Variants in COG4 observed in about 807,000 individuals in gnomAD.
COG4 encodes the protein conserved oligomeric Golgi complex subunit 4.
Under a neutral mutation model 95.1 loss-of-function variants are expected in COG4, and 65 were observed. That is an observed-to-expected ratio of 0.68 (90% CI 0.56 to 0.84). The LOEUF (loss-of-function observed/expected upper bound fraction) is 0.84, where lower values mean the gene tolerates loss of function less well. Among genes scored for constraint, COG4 ranks in the 40% least tolerant of loss-of-function variants. The pLI, the probability that COG4 is intolerant of heterozygous loss-of-function variation, is 0.00. For synonymous variants in COG4, 421 were observed against 374.8 expected, an observed-to-expected ratio of 1.12 and a Z score of -1.42; for missense variants, 1,045 against 989.1, an observed-to-expected ratio of 1.06 and a Z score of -0.76.
At chr16:70,516,164 G>A (rs774168866) in intron 3 of COG4, 9 of 397,874 alleles carry the variant, frequency 2.3e-5, no homozygotes, top group Admixed American at 9.4e-5. Flanking sequence ...AAGTAATTGC[G>A]GTCTTGGCCA....
At chr16:70,517,531 T>G (rs2049846844) in intron 3 of COG4, 95 bp downstream of exon 3, 1 of 737,474 alleles carries the variant, frequency 1.4e-6, no homozygotes, top group Non-Finnish European at 2.3e-6. Flanking sequence ...GGGGCTGTAG[T>G]GAGCTGTCAT....
At chr16:70,486,867 A>G (rs993814708) in intron 13 of COG4, among the ~76,000 whole-genome samples, 5 of 152,036 alleles carry the variant, frequency 3.3e-5, no homozygotes, top group African/African-American at 1.2e-4. Context: ...GTGGTGGCGC[A>G]CACCTGTAGT....
Position 70,482,632 on chromosome 16 carries a change from T to C in COG4, c.1920+97A>G. On this transcript the variant is annotated intron_variant, in intron 15 of 18. Transcript: ENST00000323786. ...GTGGGGGAAGTGGGCCTGGGAAGCA[T>C]GGAAGGTCTAGTCTGTTCAGATGGC... The C allele has an allele frequency of 3.1e-6, 3 of 971,588 alleles. No homozygotes were observed. In the East Asian group the frequency reaches 7.3e-5, roughly 24 times the overall value. 60.2% of individuals were successfully genotyped at this position (971,588 alleles called of 1,614,324 possible). A position where few individuals can be genotyped will look rare whatever the true frequency, so the allele number is the denominator to read the frequency against.
chr16:70,514,057 A>C (rs941997601), intron 4 of COG4, among the ~76,000 whole-genome samples: 11 of 152,144 alleles, frequency 7.2e-5, no homozygotes, highest in Admixed American at 5.9e-4. Context: ...AAATACAAAA[A>C]ACATTAGTGA....
At chr16:70,512,940 T>G (rs2049742012) in intron 4 of COG4, among the ~76,000 whole-genome samples, 1 of 152,164 alleles carries the variant, frequency 6.6e-6, no homozygotes, top group Non-Finnish European at 1.5e-5. Context: ...ATCATGCCAC[T>G]GCACTCCAGC....
At chr16:70,520,983 G>T (rs2049930053) in intron 1 of COG4, among the ~76,000 whole-genome samples, 1 of 151,990 alleles carries the variant, frequency 6.6e-6, no homozygotes, top group Non-Finnish European at 1.5e-5. Context: ...TTTTGCGGGG[G>T]CTCAAGTGCT....
chr16:70,514,562 C>T lies in COG4; in HGVS notation c.370-53G>A, dbSNP rs2049783938. 2.6e-6 allele frequency: 4 copies of T among 1,526,312 alleles called. No homozygotes were observed. In the South Asian group the frequency reaches 3.4e-5, roughly 13 times the overall value. The allele number at this position is 1,526,312 out of a possible 1,614,324, so 94.5% of individuals were successfully genotyped here. ...AATGTCCTATTCTTTCAAAAACACC[C>T]CTCAAGAAGGTAGGGAGATTCAGGA... On this transcript the variant is annotated intron_variant, in intron 3 of 18. Transcript: ENST00000323786.
At chr16:70,495,924 G>C (rs949716091) in intron 12 of COG4, among the ~76,000 whole-genome samples, 1 of 152,228 alleles carries the variant, frequency 6.6e-6, no homozygotes, top group African/African-American at 2.4e-5. Flanking sequence ...AAGCAGTCTG[G>C]TGGTCTGGCA....
chr16:70,519,478 T>C (rs2049890481), intron 2 of COG4, among the ~76,000 whole-genome samples, 171 bp downstream of exon 2: 2 of 152,210 alleles, frequency 1.3e-5, no homozygotes, highest in Admixed American at 1.3e-4. Context: ...GTCCAAGGAC[T>C]GTTTGAAAAC....
At chr16:70,505,354 C>A (rs1406241228) in intron 8 of COG4, among the ~76,000 whole-genome samples, 4 of 150,592 alleles carry the variant, frequency 2.7e-5, no homozygotes, top group Admixed American at 6.6e-5. Flanking sequence ...CCCGCCAACA[C>A]ACCCAGCTAA....
At chr16:70,505,220 CAG>C (rs1246352387) in intron 8 of COG4, among the ~76,000 whole-genome samples, 2 of 128,068 alleles carry the variant, frequency 1.6e-5, no homozygotes, top group Non-Finnish European at 3.1e-5. Context: ...TTTTTTGAGA[CAG>C]AGTCTCGCTC....
intron 12 of COG4, among the ~76,000 whole-genome samples, chr16:70,494,402 T>A (rs1337789646): frequency 6.6e-6 from 1 of 152,128 alleles, no homozygotes; most frequent in East Asian, 1.9e-4. Flanking sequence ...GCCAAATGAA[T>A]CAAGGTGACA....
At chr16:70,488,013 T>TG (rs1477394437) in intron 13 of COG4, among the ~76,000 whole-genome samples, 1 of 151,854 alleles carries the variant, frequency 6.6e-6, no homozygotes, top group Non-Finnish European at 1.5e-5. Context: ...TTAGTAGAGA[T>TG]GGGGTTTCAC....
intron 13 of COG4, among the ~76,000 whole-genome samples, chr16:70,487,999 A>G (rs2049172065): frequency 6.6e-6 from 1 of 151,464 alleles, no homozygotes; most frequent in Admixed American, 6.6e-5. Context: ...TAATTTTTGT[A>G]TTTTTAGTAG....
rs1485749675 is a variant in COG4 at position 70,523,498 on chromosome 16, C to G, written c.46G>C (p.Gly16Arg). Residue 16 changes from glycine (G) to arginine (R), a missense_variant, in exon 1 of 19, where the codon GGG becomes CGG. Coordinates refer to ENST00000323786, the MANE Select transcript of COG4 (RefSeq NM_015386.3). ...ACCCCCTCAGACGGCTGCTGCACCCCTGACAGCTTCGGAGGCGAATCAAGG... is the reference window on the plus strand; with the variant it reads ...ACCCCCTCAGACGGCTGCTGCACCCGTGACAGCTTCGGAGGCGAATCAAGG... ...ADLDSPPKLS[G>R]VQQPSEGVGG... 6 of 1,614,144 alleles carry G rather than the reference C, an allele frequency of 3.7e-6. No individual in the cohort carries two copies. The South Asian group carries it at 5.5e-5, about 15-fold the overall frequency.
intron 3 of COG4, chr16:70,515,910 C>G (rs951671461): frequency 3.9e-5 from 17 of 434,340 alleles, no homozygotes; most frequent in African/African-American, 3.5e-4. Flanking sequence ...CTCAAGAGAT[C>G]CTACTGCTTT....
rs371010393 is a variant in COG4 at position 70,482,706 on chromosome 16, T to C, written c.1920+23A>G. 321 of 1,603,902 alleles carry C rather than the reference T, an allele frequency of 2.0e-4. 1 individual carries two copies. The highest frequency in any genetic ancestry group is 2.5e-4 in the Non-Finnish European group (291 of 1,171,064). On this transcript the variant is annotated intron_variant, in intron 15 of 18. Coordinates refer to ENST00000323786, the MANE Select transcript of COG4 (RefSeq NM_015386.3). ...GGGATGAGGGGTCATCGGGGCTTGA[T>C]GGCTGCCTGTGGCCAGGCTAACCTC...
chr16:70,482,175 C>T lies in COG4; in HGVS notation c.1921G>A (p.Glu641Lys), dbSNP rs747048445. 1 of 1,609,798 alleles carries T rather than the reference C, an allele frequency of 6.2e-7. No individual in the cohort carries two copies. The highest frequency in any genetic ancestry group is 8.5e-7 in the Non-Finnish European group (1 of 1,176,094). ...TTGGCCTCATAGTCATTGAATTCTTCCTGTTGTCAGGAAGCAGGGCTGGTC... is the reference window on the plus strand; with the variant it reads ...TTGGCCTCATAGTCATTGAATTCTTTCTGTTGTCAGGAAGCAGGGCTGGTC... ...FFSVSHNIEE[E>K]EFNDYEANDP... The change falls in exon 16 of 19, where the codon GAA (glutamate) becomes AAA (lysine). Residue 641 changes from glutamate to lysine, a missense_variant and splice_region_variant. By Grantham distance (56) the Glu-to-Lys change is moderately conservative. Coordinates refer to ENST00000323786, the MANE Select transcript of COG4 (RefSeq NM_015386.3).
At chr16:70,486,865 G>A (rs898168186) in intron 13 of COG4, among the ~76,000 whole-genome samples, 7 of 152,020 alleles carry the variant, frequency 4.6e-5, no homozygotes, top group Non-Finnish European at 8.8e-5. Context: ...GTGTGGTGGC[G>A]CACACCTGTA....
Sources: gnomAD v4.1 joint callset for allele counts (sites outside exome capture counted in the v4.1 genomes callset) on GRCh38, gnomAD v4.1.1 for gene constraint, MANE v1.5 for transcripts, NCBI Gene and HGNC (gene_info 2026-07-23, HGNC 2026-07-21) for gene names.